Variants in ANKFN1 observed in about 807,000 individuals in gnomAD.
ANKFN1 encodes the protein ankyrin repeat and fibronectin type-III domain-containing protein 1.
A neutral mutation model predicts 108.7 loss-of-function variants in ANKFN1; 74 were observed. The observed-to-expected ratio is 0.68, with a 90% CI of 0.56 to 0.83. ANKFN1 has a LOEUF of 0.83. Ranked by LOEUF, ANKFN1 falls within the 40% of genes least tolerant of loss-of-function variation. The pLI is 0.00. For missense variants in ANKFN1, 1,505 were observed against 1,382.3 expected (o/e 1.09, Z -1.41); for synonymous variants, 547 against 516.2 (o/e 1.06, Z -0.81).
At chr17:56,380,924 A>G (rs990631121) in intron 8 of ANKFN1, among the ~76,000 whole-genome samples, 3 of 152,178 alleles carry the variant, frequency 2.0e-5, no homozygotes, top group African/African-American at 7.2e-5. Flanking sequence ...GACAGCTTTG[A>G]AGAGAGCAGT....
intron 4 of ANKFN1, among the ~76,000 whole-genome samples, chr17:56,341,042 G>A (rs1259232622): frequency 1.3e-5 from 2 of 151,988 alleles, no homozygotes; most frequent in East Asian, 3.9e-4. Flanking sequence ...AGAATTCCTA[G>A]GTATTTTATT....
At chr17:56,489,357 G>T in intron 18 of ANKFN1, among the ~76,000 whole-genome samples, 1 of 151,210 alleles carries the variant, frequency 6.6e-6, no homozygotes. Context: ...TGTCTTTCTT[G>T]CCTCAGTTAT....
intron 3 of ANKFN1, among the ~76,000 whole-genome samples, chr17:56,267,907 A>AT (rs902555969): frequency 1.3e-5 from 2 of 151,514 alleles, no homozygotes; most frequent in East Asian, 3.9e-4. Context: ...GATTTTTAGA[A>AT]TTTTTTTTCC....
intron 4 of ANKFN1, among the ~76,000 whole-genome samples, chr17:56,337,765 C>T (rs1243006668): frequency 2.6e-5 from 4 of 152,162 alleles, no homozygotes; most frequent in Admixed American, 2.6e-4. Flanking sequence ...TACCATCTCA[C>T]ACCAGTTAGA....
Position 56,188,581 on chromosome 17 carries a change from G to GTGTATATA in ANKFN1, c.-70-24016_-70-24015insGTATATAT, listed in dbSNP as rs1212242378. Among the ~76,000 whole-genome samples the GTGTATATA allele has an allele frequency of 5.6e-3, 276 of 49,630 alleles. 6 individuals carry two copies. Among genetic ancestry groups the GTGTATATA allele is most frequent in the Non-Finnish European group, 6.1e-3 (182 of 29,616 alleles). The allele number at this position is 49,630 out of a possible 152,430, so 32.6% of individuals were successfully genotyped here. A position where few individuals can be genotyped will look rare whatever the true frequency, so the allele number is the denominator to read the frequency against. On this transcript the variant is annotated intron_variant, in intron 1 of 20. Transcript: ENST00000682825. ...TGTGTGTATGTGTGTGTGTGTGTGTGTATATATATATATATATATATATAT... is the reference window on the plus strand; with the variant it reads ...TGTGTGTATGTGTGTGTGTGTGTGTGTGTATATATATATATATATATATATATATATAT...
chr17:56,435,015 C>T (rs1232035872), intron 8 of ANKFN1, among the ~76,000 whole-genome samples: 1 of 152,070 alleles, frequency 6.6e-6, no homozygotes, highest in Non-Finnish European at 1.5e-5. Flanking sequence ...TTTTTGGTTT[C>T]TGAGAGGCAG....
chr17:56,416,590 C>T (rs1460495767), intron 8 of ANKFN1, among the ~76,000 whole-genome samples: 1 of 152,116 alleles, frequency 6.6e-6, no homozygotes, highest in Non-Finnish European at 1.5e-5. Flanking sequence ...AAAGGAAATC[C>T]TCGTACGCTG....
At chr17:56,406,819 A>G (rs1025273525) in intron 8 of ANKFN1, among the ~76,000 whole-genome samples, 3 of 152,200 alleles carry the variant, frequency 2.0e-5, no homozygotes, top group African/African-American at 4.8e-5. Context: ...AGGTAATTTC[A>G]TGAAAGTCAT....
rs1555593343 is a variant in ANKFN1 at position 56,094,682 on chromosome 17, T to TTG, written c.288+48358_288+48359insGT. Among the ~76,000 whole-genome samples, 6 of 130,090 alleles carry TTG rather than the reference T, an allele frequency of 4.6e-5. No individual in the cohort carries two copies. The East Asian group carries it at 1.3e-3, about 29-fold the overall frequency. 85.3% of individuals were successfully genotyped at this position (130,090 alleles called of 152,430 possible). On this transcript the variant is annotated intron_variant, in intron 4 of 12. Coordinates refer to the ANKFN1 transcript ENST00000635860. ...CCACGCCCAGCTAATTGGGTTTTTT[T>TTG]TTTTTTTTTTTGTATTTTTAGTAGA...
intron 4 of ANKFN1, among the ~76,000 whole-genome samples, chr17:56,142,391 G>A (rs1179134362): frequency 6.6e-6 from 1 of 152,174 alleles, no homozygotes; most frequent in Non-Finnish European, 1.5e-5. Context: ...TATTGGCCAA[G>A]TTCACTCCAT....
intron 20 of ANKFN1, among the ~76,000 whole-genome samples, chr17:56,504,297 AG>A (rs2051480121): frequency 6.6e-6 from 1 of 152,166 alleles, no homozygotes; most frequent in Non-Finnish European, 1.5e-5. Context: ...GATTATAACT[AG>A]GTCTTCTCTT....
intron 20 of ANKFN1, among the ~76,000 whole-genome samples, chr17:56,504,779 C>T (rs1161992629): frequency 2.0e-5 from 3 of 151,608 alleles, no homozygotes; most frequent in Non-Finnish European, 4.4e-5. Context: ...CTCAGCCTCC[C>T]GAGTAGCTGG....
intron 1 of ANKFN1, among the ~76,000 whole-genome samples, chr17:56,170,754 C>T (rs1327176381): frequency 2.4e-5 from 3 of 123,190 alleles, no homozygotes; most frequent in Middle Eastern, 4.0e-3. Context: ...CAGGGTGAGA[C>T]TCTGTCAAGA....
At chr17:56,319,561 G>T (rs1014583234) in intron 3 of ANKFN1, among the ~76,000 whole-genome samples, 2 of 152,122 alleles carry the variant, frequency 1.3e-5, no homozygotes, top group African/African-American at 4.8e-5. Context: ...CTACAGTCCA[G>T]ATATCCCTAT....
intron 5 of ANKFN1, 81 bp downstream of exon 5, chr17:56,351,048 T>A: frequency 2.1e-6 from 3 of 1,411,608 alleles, no homozygotes; most frequent in South Asian, 1.3e-5. Context: ...AGATGATTCA[T>A]GTTTACTTCA....
In ANKFN1 at chr17:56,263,744, C is replaced by G. The variant is rs572616020; in HGVS notation, c.53+35787C>G. On this transcript the variant is annotated intron_variant, in intron 3 of 20. Coordinates refer to ENST00000682825, the MANE Select transcript of ANKFN1 (RefSeq NM_001370326.1). ...GAATAACAGAGGGGAGAGAAAGATC[C>G]GAGGTCTTCAGGCTATACTTCCAAG... is the stretch of plus-strand genomic sequence containing the variant. Among the ~76,000 whole-genome samples, 30 of 152,246 alleles carry G rather than the reference C, an allele frequency of 2.0e-4. No individual in the cohort carries two copies. The South Asian group carries it at 5.4e-3, about 27-fold the overall frequency.
intron 6 of ANKFN1, among the ~76,000 whole-genome samples, chr17:56,371,886 G>T (rs912141767): frequency 6.6e-6 from 1 of 152,172 alleles, no homozygotes; most frequent in African/African-American, 2.4e-5. Context: ...GGGTAAAATA[G>T]AAATAGCAAG....
rs1344421059 is a variant in ANKFN1 at position 56,512,889 on chromosome 17, A to G, written c.*1620A>G. On this transcript the variant is annotated 3_prime_UTR_variant, in exon 21 of 21. Transcript: ENST00000682825. ...AGCTCAGACTTTATTTTTTTAAGAG[A>G]TTTTATACTCAATGAAACCCTCAAA... 6.6e-6 allele frequency among the ~76,000 whole-genome samples: 1 copy of G among 152,142 alleles called. No homozygotes were observed. The highest frequency in any genetic ancestry group is 1.5e-5 in the Non-Finnish European group (1 of 68,030).
At chr17:56,296,298 C>CA (rs1163913352) in intron 3 of ANKFN1, among the ~76,000 whole-genome samples, 10 of 151,170 alleles carry the variant, frequency 6.6e-5, no homozygotes, top group South Asian at 2.1e-4. Flanking sequence ...TAAGATTCTC[C>CA]AAAAAAAAGT....
Sources: allele counts gnomAD v4.1 joint callset (sites outside exome capture counted in the v4.1 genomes callset), GRCh38; gene constraint gnomAD v4.1.1; transcripts MANE v1.5; gene names NCBI Gene and HGNC (gene_info 2026-07-23, HGNC 2026-07-21).